CDC14A: variants seen among roughly 807,000 people sequenced by gnomAD.
The protein encoded by CDC14A is dual specificity protein phosphatase CDC14A.
A neutral mutation model predicts 74.4 loss-of-function variants in CDC14A; 53 were observed. That is an observed-to-expected ratio of 0.71 (90% CI 0.57 to 0.89). The LOEUF is 0.89. Ranked by LOEUF, CDC14A falls within the 40% of genes least tolerant of loss-of-function variation. The pLI is 0.00. For synonymous variants in CDC14A, 247 were observed against 258.4 expected (o/e 0.96, Z 0.43); for missense variants, 646 against 713.7 (o/e 0.91, Z 1.08).
At position 100,462,898 on chromosome 1, in the gene CDC14A, G is replaced by A. The variant is rs746130734; in HGVS notation, c.838+17G>A. The A allele has an allele frequency of 3.8e-6, 6 of 1,589,936 alleles. No homozygotes were observed. The highest frequency in any genetic ancestry group is 2.2e-5 in the East Asian group (1 of 44,696). ...ACTGCAAAGGTGTGTGCAAGGCCTC[G>A]GTGGTGGTGGCTGTGCTTATCGAAG... On this transcript the variant is annotated intron_variant, in intron 9 of 15. Transcript: ENST00000336454.
intron 10 of CDC14A, among the ~76,000 whole-genome samples, chr1:100,471,656 A>G (rs72986216): frequency 0.057 from 8,658 of 152,234 alleles, 836 homozygotes; most frequent in African/African-American, 0.2. Flanking sequence ...AAATTAACCA[A>G]TAGAATAGAA....
chr1:100,351,628 C>A, upstream of CDC14A: 1 of 834,152 alleles, frequency 1.2e-6, no homozygotes, highest in Non-Finnish European at 1.9e-6. Context: ...CCTGTTCCCT[C>A]CGCGCCCGCC....
At position 100,519,810 on chromosome 1, in the gene CDC14A, AAG is replaced by A. The variant is rs1403719290; in HGVS notation, c.*1531_*1532del. The A allele has an allele frequency of 1.3e-5, 2 of 152,324 alleles. No homozygotes were observed. The highest frequency in any genetic ancestry group is 2.9e-5 in the Non-Finnish European group (2 of 67,978). The allele number at this position is 152,324 out of a possible 1,614,324, so 9.4% of individuals were successfully genotyped here. On this transcript the variant is annotated 3_prime_UTR_variant, in exon 16 of 16. Coordinates refer to ENST00000336454, the MANE Select transcript of CDC14A (RefSeq NM_003672.4). The stretch of plus-strand genomic sequence containing the variant: ...TTATGTATCTTTTCTAAAGTTAAAA[AAG>A]TAAAATATTTTATTATGAGTTATTA...
intron 3 of CDC14A, among the ~76,000 whole-genome samples, chr1:100,389,165 A>G (rs1414227727): frequency 7.1e-6 from 1 of 139,978 alleles, no homozygotes; most frequent in Non-Finnish European, 1.5e-5. Flanking sequence ...TGGGTGACAG[A>G]GCAAGACCCT....
intron 2 of CDC14A, among the ~76,000 whole-genome samples, chr1:100,376,940 G>C (rs1036208226): frequency 5.3e-5 from 8 of 152,024 alleles, no homozygotes; most frequent in Admixed American, 4.6e-4. Context: ...TTATATTCCT[G>C]TTGGTTCTTT....
intron 10 of CDC14A, among the ~76,000 whole-genome samples, chr1:100,476,931 G>A (rs1668961990): frequency 6.6e-6 from 1 of 152,188 alleles, no homozygotes. Context: ...TAATCACAGT[G>A]TCCTTAGAAG....
At chr1:100,488,098 T>C (rs889451224) in intron 11 of CDC14A, among the ~76,000 whole-genome samples, 2 of 152,166 alleles carry the variant, frequency 1.3e-5, no homozygotes, top group Non-Finnish European at 2.9e-5. Context: ...TAGCAATAAG[T>C]GCTCACTTTA....
At chr1:100,359,986 A>G (rs931151706) in intron 2 of CDC14A, among the ~76,000 whole-genome samples, 8 of 131,626 alleles carry the variant, frequency 6.1e-5, no homozygotes, top group Non-Finnish European at 1.2e-4. Flanking sequence ...TTCTGTTGCC[A>G]GGCTGGAGTG....
intron 4 of CDC14A, among the ~76,000 whole-genome samples, chr1:100,420,822 T>C (rs1662276964): frequency 6.6e-6 from 1 of 152,130 alleles, no homozygotes; most frequent in Non-Finnish European, 1.5e-5. Context: ...GTAAATTTTA[T>C]TACGCTGTTT....
At chr1:100,491,712 C>T (rs1209176124) in intron 11 of CDC14A, among the ~76,000 whole-genome samples, 2 of 148,014 alleles carry the variant, frequency 1.4e-5, no homozygotes, top group African/African-American at 2.5e-5. Flanking sequence ...GCTGGGATTA[C>T]AGGCACGCAC....
chr1:100,391,096 C>A, intron 4 of CDC14A: 1 of 428,118 alleles, frequency 2.3e-6, no homozygotes, highest in Non-Finnish European at 4.3e-6. Context: ...AAAAGAATAC[C>A]TACCAAGGAC....
At chr1:100,401,028 C>G (rs1054167974) in intron 4 of CDC14A, among the ~76,000 whole-genome samples, 1 of 152,186 alleles carries the variant, frequency 6.6e-6, no homozygotes, top group Non-Finnish European at 1.5e-5. Context: ...TGTATGCTTA[C>G]AGTAATTTAC....
At chr1:100,439,154 C>T (rs543190760) in intron 5 of CDC14A, among the ~76,000 whole-genome samples, 23 of 152,330 alleles carry the variant, frequency 1.5e-4, no homozygotes, top group Non-Finnish European at 2.2e-4. Flanking sequence ...TCAATTTTCA[C>T]CACGGTAGGT....
chr1:100,385,251 A>G (rs1197227027), intron 3 of CDC14A, among the ~76,000 whole-genome samples: 1 of 152,130 alleles, frequency 6.6e-6, no homozygotes, highest in African/African-American at 2.4e-5. Flanking sequence ...AAATTTAGCC[A>G]TATCTTAGAG....
chr1:100,487,069 A>G (rs991268327), intron 11 of CDC14A, among the ~76,000 whole-genome samples: 3 of 152,214 alleles, frequency 2.0e-5, no homozygotes, highest in Admixed American at 1.3e-4. Context: ...TGTGGGTAAA[A>G]GTCTATGGAA....
Position 100,379,762 on chromosome 1 carries a change from T to G in CDC14A, c.216+2141T>G, listed in dbSNP as rs375484553. The stretch of plus-strand genomic sequence containing the variant: ...CTGTACATGAATCGTGGCACCAACA[T>G]CTGCTTCTGGTGAGTCCCTCAGGAA... On this transcript the variant is annotated intron_variant, in intron 3 of 15. Transcript: ENST00000336454. 2.6e-5 allele frequency among the ~76,000 whole-genome samples: 4 copies of G among 152,306 alleles called. No homozygotes were observed. The East Asian group carries it at 5.8e-4, about 22-fold the overall frequency.
At chr1:100,498,895 GT>G in intron 14 of CDC14A, 33 bp from the exon 15 acceptor site, 6 of 1,584,178 alleles carry the variant, frequency 3.8e-6, no homozygotes, top group Non-Finnish European at 5.1e-6. Context: ...ATTGTTGTCT[GT>G]TTTTTCCCTC....
At chr1:100,459,126 C>CACACACACACAG (rs1279905046) in intron 8 of CDC14A, among the ~76,000 whole-genome samples, 6 of 144,574 alleles carry the variant, frequency 4.2e-5, no homozygotes, top group African/African-American at 1.0e-4. Context: ...CACACACACA[C>CACACACACACAG]AGAGAGAGAG....
chr1:100,355,513 A>G (rs1651755662), intron 2 of CDC14A, among the ~76,000 whole-genome samples: 1 of 152,246 alleles, frequency 6.6e-6, no homozygotes, highest in Admixed American at 6.5e-5. Flanking sequence ...GGATAGGCCT[A>G]CAAATCATAT....
Sources: allele counts gnomAD v4.1 joint callset (sites outside exome capture counted in the v4.1 genomes callset), GRCh38; gene constraint gnomAD v4.1.1; transcripts MANE v1.5; gene names NCBI Gene and HGNC (gene_info 2026-07-23, HGNC 2026-07-21).